The following GRM3 variants were observed in gnomAD, a reference collection of about 807,000 sequenced individuals.
GRM3 encodes the protein glutamate metabotropic receptor 3, also known as metabotropic glutamate receptor 3.
In GRM3, 26 loss-of-function variants were observed where a neutral mutation model predicts 70.5. That is an observed-to-expected ratio of 0.37 (90% CI 0.27 to 0.51). The LOEUF (loss-of-function observed/expected upper bound fraction) is 0.51, where lower values mean the gene tolerates loss of function less well. Among genes scored for constraint, GRM3 ranks in the 20% least tolerant of loss-of-function variants. The probability of loss-of-function intolerance (pLI) is 0.93; values close to 1 mark genes in which losing one functional copy is unlikely to be tolerated. For synonymous variants in GRM3, 443 were observed against 434.9 expected, an observed-to-expected ratio of 1.02 and a Z score of -0.23; for missense variants, 859 against 1,123.8, an observed-to-expected ratio of 0.76 and a Z score of 3.37.
intron 1 of GRM3, among the ~76,000 whole-genome samples, chr7:86,718,824 C>T (rs912159531): frequency 6.6e-6 from 1 of 151,944 alleles, no homozygotes; most frequent in Non-Finnish European, 1.5e-5. Flanking sequence ...AAAAAACTTA[C>T]AATTCTAAAC....
At chr7:86,802,939 C>G (rs188501660) in intron 3 of GRM3, among the ~76,000 whole-genome samples, 51 of 152,254 alleles carry the variant, frequency 3.3e-4, no homozygotes, top group Non-Finnish European at 5.3e-4. Context: ...TAAGTTAGAG[C>G]ATCTTCAGAG....
At chr7:86,863,270 A>G (rs182075391) in intron 5 of GRM3, among the ~76,000 whole-genome samples, 1 of 152,316 alleles carries the variant, frequency 6.6e-6, no homozygotes, top group East Asian at 1.9e-4. Context: ...ACAAGTTAAT[A>G]GCTAAGAACT....
chr7:86,784,723 C>A (rs921878143), intron 2 of GRM3: 1 of 152,222 alleles, frequency 6.6e-6, no homozygotes, highest in Non-Finnish European at 1.5e-5. Context: ...CACCTCCATT[C>A]CCCTGGATTA....
chr7:86,653,269 C>G (rs1793652635), intron 1 of GRM3, among the ~76,000 whole-genome samples: 1 of 152,186 alleles, frequency 6.6e-6, no homozygotes, highest in African/African-American at 2.4e-5. Context: ...CCCAAAGGCC[C>G]TGTTAGTAAA....
At chr7:86,822,390 G>A (rs1372978185) in intron 3 of GRM3, among the ~76,000 whole-genome samples, 2 of 151,918 alleles carry the variant, frequency 1.3e-5, no homozygotes, top group Non-Finnish European at 2.9e-5. Context: ...AATGGAATGC[G>A]GGATCATGGT....
chr7:86,720,016 T>G (rs1172284236), intron 1 of GRM3, among the ~76,000 whole-genome samples: 1 of 151,922 alleles, frequency 6.6e-6, no homozygotes, highest in Non-Finnish European at 1.5e-5. Context: ...AAAGACCTCA[T>G]AGGCCACAGG....
chr7:86,671,100 C>T (rs904881273), intron 1 of GRM3, among the ~76,000 whole-genome samples: 2 of 152,118 alleles, frequency 1.3e-5, no homozygotes, highest in Admixed American at 6.5e-5. Context: ...GCACGATCTC[C>T]GCTCACTGCA....
intron 1 of GRM3, among the ~76,000 whole-genome samples, chr7:86,694,405 G>C (rs1017904493): frequency 6.6e-6 from 1 of 150,964 alleles, no homozygotes; most frequent in Admixed American, 6.6e-5. Context: ...CCAGCTACTC[G>C]GGAGGCTGAG....
At chr7:86,785,291 T>A (rs1020777114) in intron 2 of GRM3, among the ~76,000 whole-genome samples, 1 of 152,226 alleles carries the variant, frequency 6.6e-6, no homozygotes, top group African/African-American at 2.4e-5. Flanking sequence ...ATGCATATAA[T>A]CTGTTTAGAT....
At chr7:86,806,371 T>C (rs1432682284) in intron 3 of GRM3, among the ~76,000 whole-genome samples, 1 of 152,220 alleles carries the variant, frequency 6.6e-6, no homozygotes, top group Admixed American at 6.5e-5. Context: ...ACCAACAGTG[T>C]AAAAGTGTTC....
At position 86,693,966 on chromosome 7, in the gene GRM3, G is replaced by A. The variant is rs802474; in HGVS notation, c.-141+49094G>A. Among the ~76,000 whole-genome samples the A allele has an allele frequency of 3.2e-4, 48 of 152,276 alleles. 1 individual carries two copies. Among genetic ancestry groups the A allele is most frequent in the African/African-American group, 1.1e-3 (46 of 41,564 alleles). On this transcript the variant is annotated intron_variant, in intron 1 of 5. Coordinates refer to ENST00000361669, the MANE Select transcript of GRM3 (RefSeq NM_000840.3). ...AATCTCCTTTTTACTACAATTTCAT[G>A]TTTCATACAGGCAACTATGTATTAA...
At chr7:86,664,401 T>C (rs1793973191) in intron 1 of GRM3, among the ~76,000 whole-genome samples, 1 of 152,024 alleles carries the variant, frequency 6.6e-6, no homozygotes. Flanking sequence ...TCAGGACATA[T>C]ATAATGAATC....
At chr7:86,860,465 AGAG>A (rs1428663330) in intron 5 of GRM3, among the ~76,000 whole-genome samples, 3 of 152,240 alleles carry the variant, frequency 2.0e-5, no homozygotes, top group African/African-American at 7.2e-5. Context: ...AAATAATAAA[AGAG>A]AAGCAGAAAA....
At chr7:86,685,250 C>T (rs1245753575) in intron 1 of GRM3, among the ~76,000 whole-genome samples, 1 of 152,174 alleles carries the variant, frequency 6.6e-6, no homozygotes, top group Non-Finnish European at 1.5e-5. Context: ...ACATTGTTCC[C>T]TTAAAGGTAT....
At chr7:86,858,934 A>G (rs1275669387) in intron 5 of GRM3, among the ~76,000 whole-genome samples, 4 of 152,188 alleles carry the variant, frequency 2.6e-5, no homozygotes, top group African/African-American at 9.7e-5. Context: ...ATAAAGAGGA[A>G]GCAGTCACTG....
intron 5 of GRM3, among the ~76,000 whole-genome samples, chr7:86,862,633 C>T (rs931155495): frequency 1.3e-5 from 2 of 152,038 alleles, no homozygotes; most frequent in Admixed American, 6.6e-5. Flanking sequence ...TTGCATGACT[C>T]CAGTGTAACT....
chr7:86,776,192 T>C (rs993131181), intron 2 of GRM3, among the ~76,000 whole-genome samples: 1 of 152,182 alleles, frequency 6.6e-6, no homozygotes, highest in African/African-American at 2.4e-5. Flanking sequence ...TTCATATGTT[T>C]TCATTTAATC....
intron 1 of GRM3, among the ~76,000 whole-genome samples, chr7:86,684,415 C>T (rs1018198847): frequency 3.3e-5 from 5 of 152,154 alleles, no homozygotes; most frequent in African/African-American, 1.2e-4. Flanking sequence ...TTTCAATGCA[C>T]AATGTAGTAA....
intron 1 of GRM3, among the ~76,000 whole-genome samples, chr7:86,676,383 A>G (rs7806940): frequency 0.22 from 33,712 of 151,800 alleles, 3,969 homozygotes; most frequent in African/African-American, 0.3. Context: ...CTATACTAAC[A>G]AAAAAATTAA....
Sources: gnomAD v4.1 joint callset for allele counts (sites outside exome capture counted in the v4.1 genomes callset) on GRCh38, gnomAD v4.1.1 for gene constraint, MANE v1.5 for transcripts, NCBI Gene and HGNC (gene_info 2026-07-23, HGNC 2026-07-21) for gene names.